DOK6: variants seen among roughly 807,000 people sequenced by gnomAD.
DOK6 encodes the protein docking protein 6.
A neutral mutation model predicts 44.0 loss-of-function variants in DOK6; 22 were observed. That is an observed-to-expected ratio of 0.50 (90% confidence interval 0.36 to 0.71). The LOEUF (loss-of-function observed/expected upper bound fraction) is 0.71. Ranked by LOEUF, DOK6 falls within the 30% of genes least tolerant of loss-of-function variation. DOK6 has a pLI of 0.00. For missense variants in DOK6, 340 were observed against 416.4 expected (o/e 0.82, Z 1.60); for synonymous variants, 166 against 145.5 (o/e 1.14, Z -1.01).
At chr18:69,801,181 C>T (rs1291661564) in intron 7 of DOK6, among the ~76,000 whole-genome samples, 1 of 151,906 alleles carries the variant, frequency 6.6e-6, no homozygotes, top group Admixed American at 6.6e-5. Flanking sequence ...CAGCCTTTTC[C>T]TCAGCAACAT....
At chr18:69,615,563 G>T (rs1161894459) in intron 3 of DOK6, among the ~76,000 whole-genome samples, 2 of 152,192 alleles carry the variant, frequency 1.3e-5, no homozygotes, top group Admixed American at 1.3e-4. Flanking sequence ...AGATTTTGAA[G>T]TTAATTCTTT....
intron 1 of DOK6, among the ~76,000 whole-genome samples, chr18:69,506,417 A>G (rs572250403): frequency 3.9e-5 from 6 of 152,248 alleles, no homozygotes; most frequent in African/African-American, 1.4e-4. Flanking sequence ...CCCACAATTT[A>G]TCCCTAACCC....
rs557032887 is a variant in DOK6 at position 69,465,559 on chromosome 18, T to TG, written c.66+64250dup. Among the ~76,000 whole-genome samples, 57 of 152,284 alleles carry TG rather than the reference T, an allele frequency of 3.7e-4. 1 individual carries two copies. In the East Asian group the frequency reaches 9.8e-3, roughly 26 times the overall value. On this transcript the variant is annotated intron_variant, in intron 1 of 7. Transcript: ENST00000382713. ...CCTATGAGTGAGAATATGCAGTGTT[T>TG]GTTTTTTTGTTCTTGTGATAGTTCA...
At chr18:69,748,400 AC>A (rs918684120) in intron 6 of DOK6, among the ~76,000 whole-genome samples, 2 of 151,404 alleles carry the variant, frequency 1.3e-5, no homozygotes, top group Non-Finnish European at 3.0e-5. Context: ...TGATAAACCC[AC>A]CCCCAAAACA....
At chr18:69,823,822 A>T (rs1382753971) in intron 7 of DOK6, among the ~76,000 whole-genome samples, 6 of 152,070 alleles carry the variant, frequency 3.9e-5, no homozygotes, top group African/African-American at 1.2e-4. Flanking sequence ...TGATCATTTC[A>T]TAGGATTTAT....
intron 1 of DOK6, among the ~76,000 whole-genome samples, chr18:69,425,385 G>T (rs1978609396): frequency 6.6e-6 from 1 of 151,860 alleles, no homozygotes; most frequent in Non-Finnish European, 1.5e-5. Context: ...AACACTATGT[G>T]GTTTCTGCTC....
At chr18:69,765,644 A>G (rs760949134) in intron 7 of DOK6, among the ~76,000 whole-genome samples, 17 of 152,206 alleles carry the variant, frequency 1.1e-4, no homozygotes, top group Non-Finnish European at 2.2e-4. Context: ...AATTTTGTGA[A>G]AGATTTTATC....
At chr18:69,431,267 A>AGT (rs780614711) in intron 1 of DOK6, among the ~76,000 whole-genome samples, 1 of 152,208 alleles carries the variant, frequency 6.6e-6, no homozygotes, top group Non-Finnish European at 1.5e-5. Context: ...GTAAACTGAG[A>AGT]GTCCTTTTTC....
At chr18:69,767,489 A>G (rs907515473) in intron 7 of DOK6, among the ~76,000 whole-genome samples, 3 of 152,028 alleles carry the variant, frequency 2.0e-5, no homozygotes, top group African/African-American at 4.8e-5. Flanking sequence ...CTCTTTTCCA[A>G]CCCAAGGTTT....
chr18:69,686,787 T>C (rs748123956), intron 4 of DOK6, among the ~76,000 whole-genome samples: 3 of 152,152 alleles, frequency 2.0e-5, no homozygotes, highest in Non-Finnish European at 4.4e-5. Flanking sequence ...ATTATTTTTA[T>C]TTAAACATAG....
chr18:69,447,467 GTA>G (rs1568260969), intron 1 of DOK6, among the ~76,000 whole-genome samples: 1 of 152,038 alleles, frequency 6.6e-6, no homozygotes, highest in Non-Finnish European at 1.5e-5. Flanking sequence ...GCCTTGTAGT[GTA>G]GTTTGAAGTC....
chr18:69,419,281 T>C (rs356003), intron 1 of DOK6, among the ~76,000 whole-genome samples: 1,537 of 152,244 alleles, frequency 0.01, 26 homozygotes, highest in African/African-American at 0.035. Flanking sequence ...AACGCGCACA[T>C]AGCTATCTTG....
intron 1 of DOK6, among the ~76,000 whole-genome samples, chr18:69,402,376 T>C (rs1451693794): frequency 6.6e-6 from 1 of 152,144 alleles, no homozygotes; most frequent in Non-Finnish European, 1.5e-5. Context: ...GGATGAATCC[T>C]CCAACTTGGA....
rs544658035 is a variant in DOK6 at position 69,652,345 on chromosome 18, G to A, written c.290-25389G>A. Among the ~76,000 whole-genome samples, 38 of 152,182 alleles carry A rather than the reference G, an allele frequency of 2.5e-4. 1 individual carries two copies. In the South Asian group the frequency reaches 6.2e-3, roughly 25 times the overall value. ...GTTTTAACTCCTGGTTTTAAAAGAC[G>A]AATATTCCACATAAATACGAGATGT... On this transcript the variant is annotated intron_variant, in intron 3 of 7. Coordinates refer to ENST00000382713, the MANE Select transcript of DOK6 (RefSeq NM_152721.6).
intron 7 of DOK6, among the ~76,000 whole-genome samples, chr18:69,812,480 G>A (rs1362408271): frequency 1.3e-5 from 2 of 152,076 alleles, no homozygotes; most frequent in African/African-American, 2.4e-5. Flanking sequence ...GGCAACAAAC[G>A]GGCTGCTGTC....
At chr18:69,468,402 A>G (rs1979989105) in intron 1 of DOK6, among the ~76,000 whole-genome samples, 2 of 152,212 alleles carry the variant, frequency 1.3e-5, no homozygotes. Context: ...AAATATGTGT[A>G]ACTATTATGT....
intron 5 of DOK6, among the ~76,000 whole-genome samples, chr18:69,715,364 A>C (rs974169549): frequency 6.6e-6 from 1 of 152,216 alleles, no homozygotes; most frequent in African/African-American, 2.4e-5. Flanking sequence ...TTAAAACTTT[A>C]AGACAGTAGC....
chr18:69,650,451 G>T (rs568507577), intron 3 of DOK6, among the ~76,000 whole-genome samples: 3 of 152,112 alleles, frequency 2.0e-5, no homozygotes, highest in African/African-American at 2.4e-5. Context: ...CAGACCCGGG[G>T]TCCTAAAAAG....
intron 3 of DOK6, among the ~76,000 whole-genome samples, chr18:69,675,989 A>G (rs1985913574): frequency 6.6e-6 from 1 of 152,072 alleles, no homozygotes; most frequent in South Asian, 2.1e-4. Flanking sequence ...CATTTATTAT[A>G]TTGGTAGCCT....
Sources: gnomAD v4.1 joint callset for allele counts (sites outside exome capture counted in the v4.1 genomes callset) on GRCh38, gnomAD v4.1.1 for gene constraint, MANE v1.5 for transcripts, NCBI Gene and HGNC (gene_info 2026-07-23, HGNC 2026-07-21) for gene names.